RCL1: variants seen among roughly 807,000 people sequenced by gnomAD.
The protein encoded by RCL1 is RNA terminal phosphate cyclase like 1.
Under a neutral mutation model 42.4 loss-of-function variants are expected in RCL1, and 24 were observed. The ratio of observed to expected loss-of-function variants is 0.57; its 90% CI spans 0.41 to 0.80. The LOEUF is 0.80. Among genes scored for constraint, RCL1 ranks in the 30% least tolerant of loss-of-function variants. The pLI, the probability that RCL1 is intolerant of heterozygous loss-of-function variation, is 0.00. For synonymous variants in RCL1, 228 were observed against 177.3 expected, an observed-to-expected ratio of 1.29 and a Z score of -2.27; for missense variants, 578 against 467.9, an observed-to-expected ratio of 1.24 and a Z score of -2.17.
intron 1 of RCL1, among the ~76,000 whole-genome samples, chr9:4,805,464 G>T (rs1156887572): frequency 6.6e-6 from 1 of 151,590 alleles, no homozygotes; most frequent in East Asian, 1.9e-4. Context: ...ATCCTTCTTT[G>T]GATCCTTCTT....
At chr9:4,856,042 C>T (rs1450750738) in intron 8 of RCL1, among the ~76,000 whole-genome samples, 1 of 152,140 alleles carries the variant, frequency 6.6e-6, no homozygotes, top group Non-Finnish European at 1.5e-5. Context: ...GAGCATGCCC[C>T]AGGCCTGTGT....
chr9:4,821,968 T>C (rs1227144232), intron 1 of RCL1, among the ~76,000 whole-genome samples: 1 of 152,202 alleles, frequency 6.6e-6, no homozygotes, highest in Non-Finnish European at 1.5e-5. Flanking sequence ...ATTCAAACCA[T>C]AGCAAATGGG....
chr9:4,826,159 G>A (rs1393120631), intron 2 of RCL1, among the ~76,000 whole-genome samples: 1 of 152,104 alleles, frequency 6.6e-6, no homozygotes, highest in Non-Finnish European at 1.5e-5. Context: ...GAGATGGGAG[G>A]ATTGCTTGGC....
chr9:4,846,505 A>G (rs1205523091), intron 7 of RCL1, among the ~76,000 whole-genome samples: 1 of 152,238 alleles, frequency 6.6e-6, no homozygotes, highest in Admixed American at 6.5e-5. Flanking sequence ...AGTTTGGGGT[A>G]GATGATCAAG....
At chr9:4,819,201 G>A (rs1041850035) in intron 1 of RCL1, among the ~76,000 whole-genome samples, 9 of 152,330 alleles carry the variant, frequency 5.9e-5, no homozygotes, top group African/African-American at 2.2e-4. Flanking sequence ...GGATGAAACT[G>A]TTCCACCTCA....
chr9:4,818,172 C>T (rs1332718246), intron 1 of RCL1, among the ~76,000 whole-genome samples: 8 of 151,986 alleles, frequency 5.3e-5, no homozygotes, highest in African/African-American at 9.7e-5. Context: ...CCACCCGCCT[C>T]GGCCTCCCAT....
intron 8 of RCL1, 125 bp from the exon 9 acceptor site, chr9:4,860,000 T>C (rs1277376849): frequency 6.7e-6 from 4 of 600,748 alleles, no homozygotes; most frequent in Non-Finnish European, 1.1e-5. Context: ...TCAGATTCGA[T>C]GAGAAGGTCT....
chr9:4,825,052 C>G (rs1445852303), intron 2 of RCL1, among the ~76,000 whole-genome samples: 1 of 151,794 alleles, frequency 6.6e-6, no homozygotes, highest in African/African-American at 2.4e-5. Context: ...GCTGGGATTA[C>G]AGTTGCCTGC....
chr9:4,842,860 T>C (rs12351849), intron 6 of RCL1, among the ~76,000 whole-genome samples: 3,479 of 152,286 alleles, frequency 0.023, 117 homozygotes, highest in African/African-American at 0.076. Context: ...CTGCTTTGCC[T>C]CTCGCTTTAT....
intron 2 of RCL1, 44 bp downstream of exon 2, chr9:4,823,663 G>A: frequency 1.1e-5 from 14 of 1,315,586 alleles, no homozygotes; most frequent in Non-Finnish European, 1.5e-5. Flanking sequence ...ATGCACTAAA[G>A]CATTCCTGTT....
intron 5 of RCL1, among the ~76,000 whole-genome samples, chr9:4,836,105 A>G (rs984887435): frequency 6.6e-6 from 1 of 152,210 alleles, no homozygotes; most frequent in Non-Finnish European, 1.5e-5. Context: ...GGAGCATCAT[A>G]ACTGAAGATA....
chr9:4,806,633 C>CACACACACAT lies in RCL1; in HGVS notation c.136+13407_136+13408insCACACACATA, dbSNP rs869274587. Among the ~76,000 whole-genome samples, 42 of 141,078 alleles carry CACACACACAT rather than the reference C, an allele frequency of 3.0e-4. 1 individual carries two copies. The highest frequency in any genetic ancestry group is 1.0e-3 in the African/African-American group (39 of 39,120). 92.6% of individuals were successfully genotyped at this position (141,078 alleles called of 152,430 possible). The stretch of plus-strand genomic sequence containing the variant: ...ACACACACACACACACACACACACA[C>CACACACACAT]ATATACTTACATATATATTGCTGAA... On this transcript the variant is annotated intron_variant, in intron 1 of 8. Transcript: ENST00000381750.
At chr9:4,855,534 G>A (rs1379270175) in intron 8 of RCL1, among the ~76,000 whole-genome samples, 1 of 152,182 alleles carries the variant, frequency 6.6e-6, no homozygotes, top group African/African-American at 2.4e-5. Context: ...ATCAGCACTG[G>A]ACAAGACTTT....
chr9:4,844,031 A>G (rs1817425407), intron 6 of RCL1, among the ~76,000 whole-genome samples: 1 of 152,090 alleles, frequency 6.6e-6, no homozygotes, highest in Non-Finnish European at 1.5e-5. Context: ...TTTTTCCTTA[A>G]GAATCTAAGG....
chr9:4,834,097 T>C, intron 4 of RCL1, 44 bp from the exon 5 acceptor site: 2 of 1,595,748 alleles, frequency 1.3e-6, no homozygotes, highest in African/African-American at 1.3e-5. Context: ...GGTAATCCAT[T>C]GCTTTGCTGC....
At chr9:4,852,601 G>C (rs866171270) in intron 8 of RCL1, among the ~76,000 whole-genome samples, 2 of 152,218 alleles carry the variant, frequency 1.3e-5, no homozygotes, top group Middle Eastern at 3.4e-3. Context: ...TTGTAGATAA[G>C]GTGCGTGGTC....
At chr9:4,824,252 C>G (rs1007231600) in intron 2 of RCL1, among the ~76,000 whole-genome samples, 53 of 152,292 alleles carry the variant, frequency 3.5e-4, no homozygotes, top group Admixed American at 1.7e-3. Flanking sequence ...CATCCCTTCA[C>G]CTCTTTCCTC....
chr9:4,827,239 G>C, intron 3 of RCL1: 1 of 1,490,832 alleles, frequency 6.7e-7, no homozygotes, highest in Non-Finnish European at 8.9e-7. Flanking sequence ...ATTGTTAACA[G>C]TTACCAAGGT....
intron 8 of RCL1, among the ~76,000 whole-genome samples, chr9:4,856,339 G>T (rs7870147): frequency 0.31 from 47,781 of 152,018 alleles, 7,710 homozygotes; most frequent in South Asian, 0.46. Flanking sequence ...GTTGAAAATT[G>T]TTTCTCAAAA....
Sources: gnomAD v4.1 joint callset for allele counts (sites outside exome capture counted in the v4.1 genomes callset) on GRCh38, gnomAD v4.1.1 for gene constraint, MANE v1.5 for transcripts, NCBI Gene and HGNC (gene_info 2026-07-23, HGNC 2026-07-21) for gene names.